The following HACE1 variants were observed in gnomAD, a reference collection of about 807,000 sequenced individuals.
HACE1 encodes the protein HECT domain and ankyrin repeat containing E3 ubiquitin protein ligase 1.
Under a neutral mutation model 118.4 loss-of-function variants are expected in HACE1, and 73 were observed. The ratio of observed to expected loss-of-function variants is 0.62; its 90% CI spans 0.51 to 0.75. HACE1 has a LOEUF of 0.75. Among genes scored for constraint, HACE1 ranks in the 30% least tolerant of loss-of-function variants. HACE1 has a pLI of 0.00. For missense variants in HACE1, 749 were observed against 1,102.2 expected (o/e 0.68, Z 4.54); for synonymous variants, 368 against 374.8 (o/e 0.98, Z 0.21).
At chr6:104,834,834 A>C (rs995082789) in intron 5 of HACE1, among the ~76,000 whole-genome samples, 9 of 152,200 alleles carry the variant, frequency 5.9e-5, no homozygotes, top group African/African-American at 2.2e-4. Context: ...AAAGAGGTTG[A>C]AAGTTTATTT....
At chr6:104,772,489 G>T (rs1261886657) in intron 17 of HACE1, among the ~76,000 whole-genome samples, 2 of 152,160 alleles carry the variant, frequency 1.3e-5, no homozygotes, top group African/African-American at 4.8e-5. Flanking sequence ...CCATTCATCT[G>T]TATGTGCCAG....
intron 7 of HACE1, among the ~76,000 whole-genome samples, chr6:104,803,120 C>T (rs577839569): frequency 2.2e-4 from 34 of 151,438 alleles, no homozygotes; most frequent in African/African-American, 6.5e-4. Context: ...CCAGAAGAAA[C>T]GAATAAATTG....
intron 14 of HACE1, among the ~76,000 whole-genome samples, chr6:104,779,766 A>C (rs1364510870): frequency 6.6e-6 from 1 of 152,134 alleles, no homozygotes; most frequent in Non-Finnish European, 1.5e-5. Context: ...TCCTCACAGA[A>C]CTTTAGTTTT....
intron 10 of HACE1, among the ~76,000 whole-genome samples, chr6:104,793,598 A>G (rs535129095): frequency 2.1e-3 from 322 of 152,332 alleles, no homozygotes; most frequent in African/African-American, 7.4e-3. Flanking sequence ...GTTGTCACTA[A>G]TTAACATATA....
At chr6:104,761,270 G>C (rs896421856) in intron 19 of HACE1, among the ~76,000 whole-genome samples, 9 of 152,108 alleles carry the variant, frequency 5.9e-5, no homozygotes, top group African/African-American at 2.2e-4. Flanking sequence ...AACAAAGCTG[G>C]AGGCATCATG....
At chr6:104,766,518 C>G (rs761053023) in intron 19 of HACE1, among the ~76,000 whole-genome samples, 8 of 152,124 alleles carry the variant, frequency 5.3e-5, no homozygotes, top group Non-Finnish European at 8.8e-5. Flanking sequence ...GGATAAAAGT[C>G]TGTATTTTGT....
chr6:104,744,378 C>G, intron 21 of HACE1, 134 bp downstream of exon 21: 1 of 799,040 alleles, frequency 1.3e-6, no homozygotes, highest in Non-Finnish European at 2.2e-6. Flanking sequence ...TTCATATGCA[C>G]TATTCCCACA....
At chr6:104,755,568 A>G (rs1778513650) in intron 19 of HACE1, among the ~76,000 whole-genome samples, 1 of 152,250 alleles carries the variant, frequency 6.6e-6, no homozygotes, top group South Asian at 2.1e-4. Context: ...AAATGAAATC[A>G]TAACAAACAG....
intron 2 of HACE1, 26 bp from the exon 3 acceptor site, chr6:104,851,022 C>A (rs777734688): frequency 3.7e-6 from 5 of 1,368,930 alleles, no homozygotes; most frequent in Non-Finnish European, 5.2e-6. Context: ...AATGAGGAAT[C>A]AAGTGTAAAA....
chr6:104,848,858 T>C (rs781604025), intron 4 of HACE1, among the ~76,000 whole-genome samples: 22 of 152,294 alleles, frequency 1.4e-4, no homozygotes, highest in Non-Finnish European at 2.6e-4. Flanking sequence ...AACTTCCACA[T>C]ATAATATTTT....
intron 20 of HACE1, among the ~76,000 whole-genome samples, chr6:104,746,481 G>A (rs1182174568): frequency 6.6e-6 from 1 of 152,192 alleles, no homozygotes; most frequent in Non-Finnish European, 1.5e-5. Context: ...TTAGTCTGGA[G>A]GTGAGGGTAC....
intron 19 of HACE1, among the ~76,000 whole-genome samples, chr6:104,755,326 T>C (rs1259881778): frequency 2.6e-5 from 4 of 152,130 alleles, no homozygotes; most frequent in Non-Finnish European, 2.9e-5. Flanking sequence ...CACACAATAA[T>C]AGTGAGAGGC....
intron 19 of HACE1, among the ~76,000 whole-genome samples, chr6:104,764,531 T>C (rs1031382468): frequency 6.6e-6 from 1 of 152,224 alleles, no homozygotes; most frequent in Non-Finnish European, 1.5e-5. Context: ...CTTAGAAATC[T>C]CTCTTTGATT....
chr6:104,784,902 TG>T, intron 12 of HACE1, 82 bp downstream of exon 12: 3 of 888,118 alleles, frequency 3.4e-6, no homozygotes, highest in Non-Finnish European at 5.5e-6. Flanking sequence ...AATTATTATT[TG>T]TTGTTTTTGA....
At chr6:104,835,410 T>C (rs1035027679) in intron 5 of HACE1, among the ~76,000 whole-genome samples, 11 of 152,010 alleles carry the variant, frequency 7.2e-5, no homozygotes, top group African/African-American at 2.7e-4. Context: ...ATCCCTGAAA[T>C]GAGAAAAGGA....
At chr6:104,731,443 A>G (rs1199824741) in intron 22 of HACE1, 3 of 152,132 alleles carry the variant, frequency 2.0e-5, no homozygotes, top group Non-Finnish European at 2.9e-5. Context: ...AAGGTGGCAG[A>G]CTCACATATC....
At chr6:104,835,303 A>C (rs1774413007) in intron 5 of HACE1, among the ~76,000 whole-genome samples, 1 of 152,216 alleles carries the variant, frequency 6.6e-6, no homozygotes, top group Admixed American at 6.5e-5. Context: ...GACAAACTAC[A>C]AATTTTTTTA....
chr6:104,812,796 G>C (rs933730175), intron 6 of HACE1, among the ~76,000 whole-genome samples: 2 of 152,184 alleles, frequency 1.3e-5, no homozygotes, highest in Admixed American at 6.5e-5. Flanking sequence ...CAGGTACCTT[G>C]GAATATAGGA....
rs1774967236 is a variant in HACE1 at position 104,729,410 on chromosome 6, GTCTC to G, written c.*248_*251del. The G allele has an allele frequency of 4.2e-6, 2 of 476,562 alleles. No homozygotes were observed. The highest frequency in any genetic ancestry group is 3.6e-5 in the Admixed American group (1 of 28,002). 29.5% of individuals were successfully genotyped at this position (476,562 alleles called of 1,614,324 possible). On this transcript the variant is annotated 3_prime_UTR_variant, in exon 24 of 24. Transcript: ENST00000262903. ...ATAAAATTAATTATGAAAAAGGACA[GTCTC>G]TATTACTTTCAGTTAGCATTTTAAA...
Sources: gnomAD v4.1 joint callset for allele counts (sites outside exome capture counted in the v4.1 genomes callset) on GRCh38, gnomAD v4.1.1 for gene constraint, MANE v1.5 for transcripts, NCBI Gene and HGNC (gene_info 2026-07-23, HGNC 2026-07-21) for gene names.